Variants in CLEC10A observed in about 807,000 individuals in gnomAD.
The protein encoded by CLEC10A is C-type lectin domain containing 10A, also known as C-type lectin domain family 10 member A.
CLEC10A carries 38 observed loss-of-function variants against 42.0 expected under a neutral mutation model. That is an observed-to-expected ratio of 0.90 (90% CI 0.70 to 1.18). CLEC10A has a LOEUF of 1.18. Ranked by LOEUF, CLEC10A falls within the 50% of genes most tolerant of loss-of-function variation. The pLI, the probability that CLEC10A is intolerant of heterozygous loss-of-function variation, is 0.00. For missense variants in CLEC10A, 298 were observed against 345.9 expected, an observed-to-expected ratio of 0.86 and a Z score of 1.10; for synonymous variants, 126 against 139.9, an observed-to-expected ratio of 0.90 and a Z score of 0.70.
rs375775825 is a variant in CLEC10A at position 7,075,032 on chromosome 17, G to T, written c.*22C>A. 5.9e-6 allele frequency: 9 copies of T among 1,525,544 alleles called. No homozygotes were observed. Among genetic ancestry groups the T allele is most frequent in the Non-Finnish European group, 7.0e-6 (8 of 1,141,026 alleles). The allele number at this position is 1,525,544 out of a possible 1,614,324, so 94.5% of individuals were successfully genotyped here. Reference sequence around the variant, plus strand: ...TCCTCCCACCGCCATTTCTGTGGCCGGGTGGTCCCACCAAAGGCAGCTCAG... The same window carrying T: ...TCCTCCCACCGCCATTTCTGTGGCCTGGTGGTCCCACCAAAGGCAGCTCAG... On this transcript the variant is annotated 3_prime_UTR_variant, in exon 9 of 9. Transcript: ENST00000416562.
Position 7,078,766 on chromosome 17 carries a change from T to G in CLEC10A, c.47A>C (p.Lys16Thr). The G allele has an allele frequency of 1.2e-6, 2 of 1,614,188 alleles. No individual in the cohort carries two copies. The change falls in exon 2 of 9, where the codon AAA (lysine) becomes ACA (threonine). Residue 16 changes from lysine to threonine, a missense_variant. Physicochemically the swap from Lys to Thr is moderately conservative, Grantham distance 78 (BLOSUM62 -1). This residue lies in a region of CLEC10A where 27 missense variants were observed against 37.0 expected (regional missense o/e 0.73). Coordinates refer to ENST00000416562, the MANE Select transcript of CLEC10A (RefSeq NM_001330070.2). ...ENFQYLENKV[K>T]VQGFKNGPLP... ...CTTACCATTTTTAAACCCCTGGACTTTCACCTTATTCTCCAAGTACTGGAA... is the reference window on the plus strand; with the variant it reads ...CTTACCATTTTTAAACCCCTGGACTGTCACCTTATTCTCCAAGTACTGGAA...
Position 7,078,801 on chromosome 17 carries a change from C to A in CLEC10A, c.12G>T (p.Thr4=). The change falls in exon 2 of 9, where the codon ACG becomes ACT. Residue 4 remains threonine (T), a synonymous_variant. Coordinates refer to ENST00000416562, the MANE Select transcript of CLEC10A (RefSeq NM_001330070.2). ...TCTCCAAGTACTGGAAGTTTTCATACGTCCTTGTCATGCTTGGGCCAACAC... is the reference window on the plus strand; with the variant it reads ...TCTCCAAGTACTGGAAGTTTTCATAAGTCCTTGTCATGCTTGGGCCAACAC... MTR[T]YENFQYLENK... 6.8e-6 allele frequency: 11 copies of A among 1,614,104 alleles called. No individual in the cohort carries two copies. Among genetic ancestry groups the A allele is most frequent in the Non-Finnish European group, 8.5e-6 (10 of 1,180,014 alleles).
At position 7,078,034 on chromosome 17, in the gene CLEC10A, G is replaced by T. The variant is rs732828; in HGVS notation, c.147C>A (p.Leu49=). ...CHLLLSLGLG[L]LLLVIICVVG... ...CCACACAGATGATGACCAGCAGCAG[G>T]AGGCCGAGGCCCAGGGACAGCAGGA... Residue 49 remains leucine, a synonymous_variant, in exon 3 of 9, where the codon CTC becomes CTA. Transcript: ENST00000416562. The T allele has an allele frequency of 1.9e-6, 3 of 1,613,286 alleles. No individual in the cohort carries two copies. Among genetic ancestry groups the T allele is most frequent in the Non-Finnish European group, 2.5e-6 (3 of 1,179,464 alleles).
At chr17:7,077,356 A>T (rs1435757510) in intron 3 of CLEC10A, among the ~76,000 whole-genome samples, 6 of 103,322 alleles carry the variant, frequency 5.8e-5, no homozygotes, top group African/African-American at 1.2e-4. Context: ...CAGTGCTCCG[A>T]CCACTGTTCT....
Position 7,075,161 on chromosome 17 carries a change from A to G in CLEC10A, c.763T>C (p.Cys255Arg). 6.2e-7 allele frequency: 1 copy of G among 1,603,750 alleles called. No individual in the cohort carries two copies. Among genetic ancestry groups the G allele is most frequent in the Non-Finnish European group, 8.5e-7 (1 of 1,176,066 alleles). ...QGHGLGGGED[C>R]AHFHPDGRWN... ...CTGCCGTCTGGATGGAAGTGAGCACAGTCCTCGCCTCCACCCAGCCCGTGC... is the reference window on the plus strand; with the variant it reads ...CTGCCGTCTGGATGGAAGTGAGCACGGTCCTCGCCTCCACCCAGCCCGTGC... The change falls in exon 9 of 9, where the codon TGT (cysteine) becomes CGT (arginine). Residue 255 changes from cysteine to arginine, a missense_variant. Physicochemically the swap from Cys to Arg is radical, Grantham distance 180. Around this residue, in one of 3 missense-constraint regions of CLEC10A, gnomAD observed 267 missense variants for 289.5 expected, o/e 0.92. Coordinates refer to ENST00000416562, the MANE Select transcript of CLEC10A (RefSeq NM_001330070.2).
In CLEC10A at chr17:7,078,808, G is replaced by A; in HGVS notation, c.5C>T (p.Thr2Ile). The A allele has an allele frequency of 6.2e-7, 1 of 1,614,100 alleles. No homozygotes were observed. Among genetic ancestry groups the A allele is most frequent in the Non-Finnish European group, 8.5e-7 (1 of 1,180,024 alleles). ...GTACTGGAAGTTTTCATACGTCCTT[G>A]TCATGCTTGGGCCAACACGGCTCTG... M[T>I]RTYENFQYLE... Residue 2 changes from threonine (T) to isoleucine (I), a missense_variant, in exon 2 of 9, where the codon ACA becomes ATA. Thr to Ile is a moderately conservative substitution (Grantham distance 89). Around this residue, in one of 3 missense-constraint regions of CLEC10A, gnomAD observed 27 missense variants for 37.0 expected, o/e 0.73. Coordinates refer to ENST00000416562, the MANE Select transcript of CLEC10A (RefSeq NM_001330070.2).
intron 1 of CLEC10A, among the ~76,000 whole-genome samples, 182 bp downstream of exon 1, chr17:7,079,870 A>T (rs1180811862): frequency 6.6e-6 from 1 of 151,940 alleles, no homozygotes; most frequent in African/African-American, 2.4e-5. Context: ...TGGCTGCCGT[A>T]ACCCAATCTA....
intron 6 of CLEC10A, 38 bp from the exon 7 acceptor site, chr17:7,075,923 G>A (rs1425759654): frequency 6.2e-7 from 1 of 1,611,590 alleles, no homozygotes; most frequent in South Asian, 1.1e-5. Flanking sequence ...GAGAGGCTGA[G>A]GCTCTGCCCA....
rs1911722179 is a variant in CLEC10A at position 7,076,089 on chromosome 17, G to A, written c.353-18C>T. The A allele has an allele frequency of 1.2e-6, 2 of 1,614,024 alleles. No individual in the cohort carries two copies. The highest frequency in any genetic ancestry group is 1.3e-5 in the African/African-American group (1 of 74,892). On this transcript the variant is annotated intron_variant, in intron 5 of 8. Coordinates refer to ENST00000416562, the MANE Select transcript of CLEC10A (RefSeq NM_001330070.2). ...AGAATGAACTGGGACACACACAGAT[G>A]GGCAGTGGGGACAGTGGCCTAGGTG...
At position 7,077,864 on chromosome 17, in the gene CLEC10A, C is replaced by A. The variant is rs757188523; in HGVS notation, c.184+133G>T. 1.1e-3 allele frequency: 759 copies of A among 710,560 alleles called. 6 individuals carry two copies. Among genetic ancestry groups the A allele is most frequent in the Middle Eastern group, 4.3e-3 (17 of 3,910 alleles). 44.0% of individuals were successfully genotyped at this position (710,560 alleles called of 1,614,324 possible). On this transcript the variant is annotated intron_variant, in intron 3 of 8. Coordinates refer to ENST00000416562, the MANE Select transcript of CLEC10A (RefSeq NM_001330070.2). ...GCCCCATTGTTATCTCCACAGCTGC[C>A]CCCAACACTGTGCCCTGCATTGCTC...
At chr17:7,079,875 A>C (rs314230) in intron 1 of CLEC10A, among the ~76,000 whole-genome samples, 177 bp downstream of exon 1, 1 of 151,692 alleles carries the variant, frequency 6.6e-6, no homozygotes, top group Non-Finnish European at 1.5e-5. Flanking sequence ...GCCGTAACCC[A>C]ATCTAGAATC....
intron 5 of CLEC10A, 38 bp downstream of exon 5, chr17:7,076,695 G>T: frequency 6.2e-7 from 1 of 1,604,776 alleles, no homozygotes; most frequent in Admixed American, 1.7e-5. Context: ...GTGTCTGAGC[G>T]CCTAGCCCCC....
Position 7,078,789 on chromosome 17 carries a change from G to C in CLEC10A, c.24C>G (p.Phe8Leu). The change falls in exon 2 of 9, where the codon TTC becomes TTG. Residue 8 changes from phenylalanine (F) to leucine (L), a missense_variant. Around this residue, in one of 3 missense-constraint regions of CLEC10A, gnomAD observed 27 missense variants for 37.0 expected, o/e 0.73. Coordinates refer to ENST00000416562, the MANE Select transcript of CLEC10A (RefSeq NM_001330070.2). MTRTYEN[F>L]QYLENKVKVQ... ...CTTTCACCTTATTCTCCAAGTACTG[G>C]AAGTTTTCATACGTCCTTGTCATGC... The C allele has an allele frequency of 1.2e-6, 2 of 1,614,176 alleles. No homozygotes were observed. The highest frequency in any genetic ancestry group is 1.7e-6 in the Non-Finnish European group (2 of 1,180,024).
intron 2 of CLEC10A, 93 bp from the exon 3 acceptor site, chr17:7,078,206 G>A: frequency 1.1e-6 from 1 of 888,624 alleles, no homozygotes; most frequent in South Asian, 1.6e-5. Flanking sequence ...GAGGAGGGCT[G>A]GGCACAGGGG....
rs561663326 is a variant in CLEC10A at position 7,080,069 on chromosome 17, G to T, written c.-91C>A. 46 of 152,416 alleles carry T rather than the reference G, an allele frequency of 3.0e-4. No homozygotes were observed. Among genetic ancestry groups the T allele is most frequent in the African/African-American group, 1.0e-3 (42 of 41,550 alleles). 9.4% of individuals were successfully genotyped at this position (152,416 alleles called of 1,614,324 possible). ...ACCATTACCTGTGGGAGGTCTGGAG[G>T]GTGTGATTCCCACGTTGGTTGTGCT... On this transcript the variant is annotated 5_prime_UTR_variant, in exon 1 of 9. Coordinates refer to ENST00000416562, the MANE Select transcript of CLEC10A (RefSeq NM_001330070.2).
At position 7,076,007 on chromosome 17, in the gene CLEC10A, C is replaced by T; in HGVS notation, c.417G>A (p.Gln139=). 1.9e-6 allele frequency: 3 copies of T among 1,614,232 alleles called. No individual in the cohort carries two copies. Among genetic ancestry groups the T allele is most frequent in the Non-Finnish European group, 2.5e-6 (3 of 1,180,038 alleles). Residue 139 remains glutamine (Q), a synonymous_variant, in exon 6 of 9, where the codon CAG becomes CAA. Coordinates refer to ENST00000416562, the MANE Select transcript of CLEC10A (RefSeq NM_001330070.2). The part of the protein sequence containing the change: ...LVQDLKKLTC[Q]VATLNNNAST... ...CACCATTGTTGTTGAGAGTAGCCAC[C>T]TGGCAGGTCAGTTTCTTCAGGTCTT... is the stretch of plus-strand genomic sequence containing the variant.
At position 7,078,756 on chromosome 17, in the gene CLEC10A, C is replaced by T; in HGVS notation, c.57G>A (p.Gly19=). Residue 19 remains glycine, a synonymous_variant, in exon 2 of 9, where the codon GGG becomes GGA. Transcript: ENST00000416562. ...QYLENKVKVQ[G]FKNGPLPLQS... is the part of the protein sequence containing the mutation. The stretch of plus-strand genomic sequence containing the variant: ...CCCCTTTCCTCTTACCATTTTTAAA[C>T]CCCTGGACTTTCACCTTATTCTCCA... 2 of 1,614,092 alleles carry T rather than the reference C, an allele frequency of 1.2e-6. No homozygotes were observed. The highest frequency in any genetic ancestry group is 1.7e-6 in the Non-Finnish European group (2 of 1,179,962).
At chr17:7,075,935 T>A in intron 6 of CLEC10A, 50 bp from the exon 7 acceptor site, 1 of 1,612,234 alleles carries the variant, frequency 6.2e-7, no homozygotes. Context: ...CTCTGCCCAG[T>A]GGGCCATGGG....
At chr17:7,076,197 AC>A in intron 5 of CLEC10A, 126 bp from the exon 6 acceptor site, 1 of 1,142,194 alleles carries the variant, frequency 8.8e-7, no homozygotes, top group Non-Finnish European at 1.1e-6. Flanking sequence ...GCCCCCACCC[AC>A]CCCCTACATC....
Sources: allele counts gnomAD v4.1 joint callset (sites outside exome capture counted in the v4.1 genomes callset), GRCh38; gene constraint gnomAD v4.1.1; regional missense constraint gnomAD v4.1.1; transcripts MANE v1.5; gene names NCBI Gene and HGNC (gene_info 2026-07-23, HGNC 2026-07-21).